The following ARFGAP3 variants were observed in gnomAD, a reference collection of about 807,000 sequenced individuals.
The protein encoded by ARFGAP3 is ARF GTPase activating protein 3.
ARFGAP3 carries 72 observed loss-of-function variants against 75.0 expected under a neutral mutation model. The observed-to-expected ratio is 0.96, with a 90% CI of 0.79 to 1.17. ARFGAP3 has a LOEUF of 1.17. Among genes scored for constraint, ARFGAP3 ranks in the 50% most tolerant of loss-of-function variants. The pLI, the probability that ARFGAP3 is intolerant of heterozygous loss-of-function variation, is 0.00. For synonymous variants in ARFGAP3, 221 were observed against 217.9 expected, an observed-to-expected ratio of 1.01 and a Z score of -0.13; for missense variants, 620 against 626.6, an observed-to-expected ratio of 0.99 and a Z score of 0.11.
At chr22:42,797,713 G>A (rs9611907) in intron 15 of ARFGAP3, 108 bp from the exon 16 acceptor site, 50,640 of 1,609,550 alleles carry the variant, frequency 0.031, 1,110 homozygotes, top group African/African-American at 0.11. Flanking sequence ...CCCATGTCAG[G>A]CATGTGACAT....
At chr22:42,822,954 C>T (rs1925876979) in intron 8 of ARFGAP3, among the ~76,000 whole-genome samples, 1 of 152,018 alleles carries the variant, frequency 6.6e-6, no homozygotes, top group Admixed American at 6.6e-5. Flanking sequence ...GGACTACAGG[C>T]ACGGGCCACC....
intron 7 of ARFGAP3, 88 bp from the exon 8 acceptor site, chr22:42,823,790 T>G: frequency 2.4e-6 from 3 of 1,270,348 alleles, no homozygotes; most frequent in Non-Finnish European, 3.2e-6. Context: ...GATACTGCAC[T>G]TTATTATTTA....
intron 6 of ARFGAP3, chr22:42,827,247 C>T (rs1005078375): frequency 2.5e-5 from 6 of 241,982 alleles, no homozygotes; most frequent in Non-Finnish European, 4.0e-5. Flanking sequence ...TCAACTAATA[C>T]GATTCAAAAT....
At chr22:42,823,933 G>GT (rs1410067930) in intron 7 of ARFGAP3, 2 of 196,882 alleles carry the variant, frequency 1.0e-5, no homozygotes, top group East Asian at 1.8e-4. Flanking sequence ...CAGAGAAAAT[G>GT]TATTTTTTTT....
At chr22:42,821,517 A>C (rs1405807966) in intron 9 of ARFGAP3, among the ~76,000 whole-genome samples, 2 of 152,178 alleles carry the variant, frequency 1.3e-5, no homozygotes, top group African/African-American at 4.8e-5. Flanking sequence ...CTTAGCATAA[A>C]CTTTTCAAGG....
At chr22:42,828,121 C>T (rs1317347434) in intron 6 of ARFGAP3, among the ~76,000 whole-genome samples, 1 of 150,928 alleles carries the variant, frequency 6.6e-6, no homozygotes, top group Non-Finnish European at 1.5e-5. Flanking sequence ...CCCATATCTA[C>T]TAAAAAATAC....
In ARFGAP3 at chr22:42,831,651, GAA is replaced by G. The variant is rs1269488708; in HGVS notation, c.478-17_478-16del. The G allele has an allele frequency of 2.5e-6, 4 of 1,613,548 alleles. No individual in the cohort carries two copies. Among genetic ancestry groups the G allele is most frequent in the Non-Finnish European group, 3.4e-6 (4 of 1,179,828 alleles). On this transcript the variant is annotated splice_polypyrimidine_tract_variant and intron_variant, in intron 5 of 15. Transcript: ENST00000263245. Reference sequence around the variant, plus strand: ...GTGTCACTCACCTGAAACAAGGCGAGAAAAGTCATTAGCAGACAAAGCAAGAA... The same window carrying G: ...GTGTCACTCACCTGAAACAAGGCGAGAAGTCATTAGCAGACAAAGCAAGAA...
intron 11 of ARFGAP3, among the ~76,000 whole-genome samples, chr22:42,814,536 C>T (rs1013783369): frequency 6.6e-6 from 1 of 152,196 alleles, no homozygotes; most frequent in Non-Finnish European, 1.5e-5. Flanking sequence ...GCAACAGTGG[C>T]TTCTGGGTCT....
chr22:42,834,408 G>A (rs1467270237), intron 4 of ARFGAP3, 83 bp from the exon 5 acceptor site: 1 of 1,550,354 alleles, frequency 6.5e-7, no homozygotes, highest in African/African-American at 1.4e-5. Flanking sequence ...TTCCCTTAGA[G>A]ACCTGTTTCC....
At chr22:42,816,296 T>C (rs111505410) in intron 11 of ARFGAP3, among the ~76,000 whole-genome samples, 4 of 152,320 alleles carry the variant, frequency 2.6e-5, no homozygotes, top group African/African-American at 9.6e-5. Flanking sequence ...CTAGGGTCCC[T>C]AATTTACAGA....
rs191912363 is a variant in ARFGAP3 at position 42,851,280 on chromosome 22, G to A, written c.70-3648C>T. ...GATGCAAAGGGTTTTTGGTAGAGGT[G>A]ATGGCAGAGATTTTGGGTACACAGC... On this transcript the variant is annotated intron_variant, in intron 1 of 15. Transcript: ENST00000263245. 9.8e-5 allele frequency among the ~76,000 whole-genome samples: 15 copies of A among 152,354 alleles called. No homozygotes were observed. In the East Asian group the frequency reaches 2.7e-3, roughly 27 times the overall value.
intron 6 of ARFGAP3, among the ~76,000 whole-genome samples, chr22:42,830,214 C>T (rs1271455983): frequency 6.6e-6 from 1 of 152,078 alleles, no homozygotes; most frequent in East Asian, 1.9e-4. Flanking sequence ...AACTCATAGG[C>T]TTAAGAGATC....
At chr22:42,812,160 G>A (rs1279790945) in intron 11 of ARFGAP3, among the ~76,000 whole-genome samples, 9 of 138,992 alleles carry the variant, frequency 6.5e-5, no homozygotes, top group African/African-American at 2.4e-4. Context: ...GGGAGGCCGA[G>A]ACTGCAGTGA....
intron 3 of ARFGAP3, 102 bp from the exon 4 acceptor site, chr22:42,835,595 G>T: frequency 7.4e-7 from 1 of 1,358,794 alleles, no homozygotes; most frequent in African/African-American, 1.4e-5. Context: ...GCCGAGGCAG[G>T]CAGATCACGA....
Position 42,797,611 on chromosome 22 carries a change from G to A in ARFGAP3, c.1534-6C>T. ...TATTAAGAACCGTAGCGATCCTGAA[G>A]AGAGAACCAAAATGGAAGTTCACGA... On this transcript the variant is annotated splice_polypyrimidine_tract_variant and splice_region_variant and intron_variant, in intron 15 of 15. Coordinates refer to ENST00000263245, the MANE Select transcript of ARFGAP3 (RefSeq NM_014570.5). 1.2e-6 allele frequency: 2 copies of A among 1,614,028 alleles called. No individual in the cohort carries two copies. Among genetic ancestry groups the A allele is most frequent in the Non-Finnish European group, 1.7e-6 (2 of 1,179,944 alleles).
chr22:42,828,721 T>G (rs1926154860), intron 6 of ARFGAP3, among the ~76,000 whole-genome samples: 1 of 142,030 alleles, frequency 7.0e-6, no homozygotes, highest in African/African-American at 2.6e-5. Context: ...AGTCCTGTTC[T>G]GTTGCCCAGG....
chr22:42,829,548 GA>G (rs933561117), intron 6 of ARFGAP3, among the ~76,000 whole-genome samples: 92 of 50,460 alleles, frequency 1.8e-3, no homozygotes, highest in African/African-American at 6.2e-3. Context: ...AAAGAATGTG[GA>G]AAAAAAAAAT....
At chr22:42,833,478 G>A (rs1444266969) in intron 5 of ARFGAP3, among the ~76,000 whole-genome samples, 1 of 152,276 alleles carries the variant, frequency 6.6e-6, no homozygotes, top group South Asian at 2.1e-4. Flanking sequence ...ATCTGTGGTG[G>A]GGTATGGTGG....
chr22:42,801,104 G>T (rs1370494319), intron 14 of ARFGAP3, among the ~76,000 whole-genome samples: 1 of 152,216 alleles, frequency 6.6e-6, no homozygotes, highest in Non-Finnish European at 1.5e-5. Flanking sequence ...GTGGCTGCAG[G>T]GGTCCAGGTG....
Sources: allele counts gnomAD v4.1 joint callset (sites outside exome capture counted in the v4.1 genomes callset), GRCh38; gene constraint gnomAD v4.1.1; transcripts MANE v1.5; gene names NCBI Gene and HGNC (gene_info 2026-07-23, HGNC 2026-07-21).